ACOX2: variants seen among roughly 807,000 people sequenced by gnomAD.
ACOX2 encodes peroxisomal acyl-coenzyme A oxidase 2.
In ACOX2, 59 loss-of-function variants were observed where a neutral mutation model predicts 77.5. The observed-to-expected ratio is 0.76, with a 90% CI of 0.62 to 0.95. The LOEUF (loss-of-function observed/expected upper bound fraction) is 0.95, where lower values mean the gene tolerates loss of function less well. Among genes scored for constraint, ACOX2 ranks in the 40% least tolerant of loss-of-function variants. The pLI, the probability that ACOX2 is intolerant of heterozygous loss-of-function variation, is 0.00. For synonymous variants in ACOX2, 317 were observed against 340.1 expected, an observed-to-expected ratio of 0.93 and a Z score of 0.75; for missense variants, 837 against 880.4, an observed-to-expected ratio of 0.95 and a Z score of 0.62.
At position 58,528,929 on chromosome 3, in the gene ACOX2, G is replaced by A; in HGVS notation, c.1020C>T (p.Tyr340=). 1 of 1,613,244 alleles carries A rather than the reference G, an allele frequency of 6.2e-7. No homozygotes were observed. Among genetic ancestry groups the A allele is most frequent in the Non-Finnish European group, 8.5e-7 (1 of 1,179,628 alleles). ...GAAAGAGTTTCTGCTGTTGTGTCTG[G>A]TAGTCCAGGACCTTTGCCTCTGGGT... The part of the protein sequence containing the change: ...PSDPEAKVLD[Y]QTQQQKLFPQ... The change falls in exon 9 of 15, where the codon TAC becomes TAT. Residue 340 remains tyrosine, a synonymous_variant. Transcript: ENST00000302819. This position sits in a 1 kb window ranked among gnomAD's most constrained non-coding sequence, Gnocchi z 5.6.
chr3:58,518,075 C>CA (rs763535906), intron 12 of ACOX2, among the ~76,000 whole-genome samples: 1,924 of 47,204 alleles, frequency 0.041, 48 homozygotes, highest in African/African-American at 0.09. Context: ...AACTCCATCT[C>CA]AAAAAAAAAA....
intron 5 of ACOX2, among the ~76,000 whole-genome samples, chr3:58,532,280 C>T (rs747390271): frequency 4.6e-5 from 7 of 152,106 alleles, no homozygotes; most frequent in Admixed American, 2.6e-4. Flanking sequence ...ATCTAAAAGG[C>T]TGGTTTCTTT....
At position 58,525,417 on chromosome 3, in the gene ACOX2, C is replaced by T. The variant is rs1419532589; in HGVS notation, c.1347-812G>A. 6.6e-6 allele frequency among the ~76,000 whole-genome samples: 1 copy of T among 152,202 alleles called. No homozygotes were observed. Among genetic ancestry groups the T allele is most frequent in the Non-Finnish European group, 1.5e-5 (1 of 68,052 alleles). ...TAGGTGAGGATGAGGCTCTGTCGGC[C>T]TCCAGGGCCCACAGACCTAAGAGGG... On this transcript the variant is annotated intron_variant, in intron 10 of 14. Transcript: ENST00000302819. The surrounding 1 kb of genome is among the most constrained non-coding windows in gnomAD (Gnocchi z 5.0).
In ACOX2 at chr3:58,523,808, A is replaced by G. The variant is rs941671792; in HGVS notation, c.1526+618T>C. Among the ~76,000 whole-genome samples the G allele has an allele frequency of 2.6e-5, 4 of 151,886 alleles. No individual in the cohort carries two copies. Among genetic ancestry groups the G allele is most frequent in the African/African-American group, 7.3e-5 (3 of 41,318 alleles). The stretch of plus-strand genomic sequence containing the variant: ...GAACGTTTTCTTTTTAGGTAGTTAA[A>G]CCTCCATCTTTTCCATGGTGGTATG... On this transcript the variant is annotated intron_variant, in intron 11 of 14. Coordinates refer to ENST00000302819, the MANE Select transcript of ACOX2 (RefSeq NM_003500.4). The surrounding 1 kb of genome is among the most constrained non-coding windows in gnomAD (Gnocchi z 5.3).
At position 58,517,327 on chromosome 3, in the gene ACOX2, C is replaced by T; in HGVS notation, c.1729G>A (p.Asp577Asn). 1 of 1,614,144 alleles carries T rather than the reference C, an allele frequency of 6.2e-7. No individual in the cohort carries two copies. Among genetic ancestry groups the T allele is most frequent in the Non-Finnish European group, 8.5e-7 (1 of 1,180,034 alleles). The change falls in exon 13 of 15, where the codon GAC becomes AAC. Residue 577 changes from aspartate (D) to asparagine (N), a missense_variant. By Grantham distance (23) the Asp-to-Asn change is conservative (BLOSUM62 1). Coordinates refer to ENST00000302819, the MANE Select transcript of ACOX2 (RefSeq NM_003500.4). The part of the protein sequence containing the change: ...AIQQVLKRLC[D>N]LHAIHGILTN... The stretch of plus-strand genomic sequence containing the variant: ...AAGATTCCATGTATGGCATGGAGGT[C>T]ACAGAGGCGCTTGAGCACCTGCTGA...
intron 13 of ACOX2, chr3:58,511,241 T>C: frequency 3.1e-6 from 1 of 324,388 alleles, no homozygotes; most frequent in Non-Finnish European, 6.1e-6. Flanking sequence ...AAAATTCCCC[T>C]CAGGGGTAAA....
intron 14 of ACOX2, among the ~76,000 whole-genome samples, chr3:58,506,512 G>A (rs1477689576): frequency 6.6e-6 from 1 of 152,144 alleles, no homozygotes; most frequent in East Asian, 1.9e-4. Context: ...TAAAATATCT[G>A]CCAGGCATGG....
At position 58,533,688 on chromosome 3, in the gene ACOX2, C is replaced by A; in HGVS notation, c.476-136G>T. ...CCCAGCTCCCAGCTGTACTTGCAGG[C>A]AGTTCTCCCCTTTCATCTGTGGGCT... On this transcript the variant is annotated intron_variant, in intron 4 of 14. Transcript: ENST00000302819. This position sits in a 1 kb window ranked among gnomAD's most constrained non-coding sequence, Gnocchi z 5.6. 1.3e-6 allele frequency: 1 copy of A among 772,910 alleles called. No individual in the cohort carries two copies. The highest frequency in any genetic ancestry group is 2.6e-5 in the Admixed American group (1 of 38,800). 47.9% of individuals were successfully genotyped at this position (772,910 alleles called of 1,614,324 possible). A position where few individuals can be genotyped will look rare whatever the true frequency, so the allele number is the denominator to read the frequency against.
chr3:58,508,082 C>T (rs1398985984), intron 14 of ACOX2, among the ~76,000 whole-genome samples: 1 of 152,170 alleles, frequency 6.6e-6, no homozygotes, highest in African/African-American at 2.4e-5. Context: ...GTAAAATCTG[C>T]TATTAAATAT....
chr3:58,531,347 G>A lies in ACOX2; in HGVS notation c.723C>T (p.Ile241=), dbSNP rs778136283. ...TPLPGIIIGD[I]GPKMDFDQTD... ...TTTGATCAAAGTCCATCTTGGGTCC[G>A]ATGTCCCCAATGATGATTCCTTGAA... is the stretch of plus-strand genomic sequence containing the variant. The change falls in exon 7 of 15, where the codon ATC becomes ATT. Residue 241 remains isoleucine (I), a synonymous_variant. Coordinates refer to ENST00000302819, the MANE Select transcript of ACOX2 (RefSeq NM_003500.4). The surrounding 1 kb of genome is among the most constrained non-coding windows in gnomAD (Gnocchi z 5.8). 13 of 1,613,874 alleles carry A rather than the reference G, an allele frequency of 8.1e-6. No homozygotes were observed. The African/African-American group carries it at 1.2e-4, about 15-fold the overall frequency.
intron 14 of ACOX2, among the ~76,000 whole-genome samples, chr3:58,506,307 A>C (rs1248349891): frequency 2.0e-5 from 3 of 152,212 alleles, no homozygotes; most frequent in African/African-American, 7.2e-5. Context: ...TTCTTCCCTT[A>C]AACCAAGAAA....
chr3:58,530,338 G>C (rs1219223479), intron 8 of ACOX2, 128 bp downstream of exon 8: 1 of 1,318,796 alleles, frequency 7.6e-7, no homozygotes, highest in East Asian at 2.3e-5. Context: ...GTTTGTGTGT[G>C]TGTATGTGGT....
intron 8 of ACOX2, among the ~76,000 whole-genome samples, chr3:58,530,108 G>A (rs2063425859): frequency 6.6e-6 from 1 of 152,244 alleles, no homozygotes; most frequent in East Asian, 1.9e-4. Context: ...GGCTGACCCA[G>A]ACCCGTCCAA....
At chr3:58,513,517 A>G (rs1452673567) in intron 13 of ACOX2, among the ~76,000 whole-genome samples, 1 of 151,464 alleles carries the variant, frequency 6.6e-6, no homozygotes, top group East Asian at 1.9e-4. Context: ...TTCCATTATC[A>G]TTTTTTAACT....
intron 14 of ACOX2, among the ~76,000 whole-genome samples, chr3:58,506,363 G>A (rs2063233991): frequency 6.6e-6 from 1 of 152,240 alleles, no homozygotes; most frequent in East Asian, 1.9e-4. Context: ...GCCCCAGACA[G>A]AAGAGAGCTT....
chr3:58,528,917 C>T lies in ACOX2; in HGVS notation c.1032G>A (p.Gln344=). 6.2e-7 allele frequency: 1 copy of T among 1,613,588 alleles called. No homozygotes were observed. Among genetic ancestry groups the T allele is most frequent in the Non-Finnish European group, 8.5e-7 (1 of 1,179,764 alleles). The stretch of plus-strand genomic sequence containing the variant: ...TGGCCAGCTGAGGAAAGAGTTTCTG[C>T]TGTTGTGTCTGGTAGTCCAGGACCT... ...EAKVLDYQTQ[Q]QKLFPQLAIS... Residue 344 remains glutamine, a synonymous_variant, in exon 9 of 15, where the codon CAG becomes CAA. Transcript: ENST00000302819. This position sits in a 1 kb window ranked among gnomAD's most constrained non-coding sequence, Gnocchi z 5.6.
At position 58,514,825 on chromosome 3, in the gene ACOX2, GC is replaced by G. The variant is rs2063310549; in HGVS notation, c.1850+2380del. ...TATTTTATCATCACTGACAACCGGG[GC>G]TAGAACATTATTTTCAAGTGCTTTT... On this transcript the variant is annotated intron_variant, in intron 13 of 14. Transcript: ENST00000302819. The surrounding 1 kb of genome is among the most constrained non-coding windows in gnomAD (Gnocchi z 4.3). Among the ~76,000 whole-genome samples, 1 of 152,180 alleles carries G rather than the reference GC, an allele frequency of 6.6e-6. No homozygotes were observed. The highest frequency in any genetic ancestry group is 2.4e-5 in the African/African-American group (1 of 41,446).
At chr3:58,510,672 A>T (rs2063276118) in intron 13 of ACOX2, among the ~76,000 whole-genome samples, 1 of 8,280 alleles carries the variant, frequency 1.2e-4, no homozygotes, top group East Asian at 2.4e-3. Context: ...AAATATATAT[A>T]TATATATATA....
rs2063355758 is a variant in ACOX2 at position 58,521,168 on chromosome 3, CCTGCTGTA to C, written c.1632+1320_1632+1327del. On this transcript the variant is annotated intron_variant, in intron 12 of 14. Coordinates refer to ENST00000302819, the MANE Select transcript of ACOX2 (RefSeq NM_003500.4). The surrounding 1 kb of genome is among the most constrained non-coding windows in gnomAD (Gnocchi z 4.8). ...GACAGTTAGCACAGCAGGGGGTGCC[CCTGCTGTA>C]GGCTGAGCAGAACTGAGGGCTGCAG... is the stretch of plus-strand genomic sequence containing the variant. Among the ~76,000 whole-genome samples the C allele has an allele frequency of 6.6e-6, 1 of 152,110 alleles. No individual in the cohort carries two copies.
Sources: gnomAD v4.1 joint callset for allele counts (sites outside exome capture counted in the v4.1 genomes callset) on GRCh38, gnomAD v4.1.1 for gene constraint, Gnocchi (gnomAD v3.1) non-coding constraint, MANE v1.5 for transcripts, NCBI Gene and HGNC (gene_info 2026-07-23, HGNC 2026-07-21) for gene names.